Variants in ERC2 observed in about 807,000 individuals in gnomAD.
ERC2 encodes ELKS/RAB6-interacting/CAST family member 2.
Under a neutral mutation model 114.8 loss-of-function variants are expected in ERC2, and 42 were observed. The ratio of observed to expected loss-of-function variants is 0.37; its 90% CI spans 0.29 to 0.47. The LOEUF is 0.47. Among genes scored for constraint, ERC2 ranks in the 20% least tolerant of loss-of-function variants. The pLI, the probability that ERC2 is intolerant of heterozygous loss-of-function variation, is 0.99. For synonymous variants in ERC2, 454 were observed against 425.5 expected (o/e 1.07, Z -0.82); for missense variants, 939 against 1,150.7 (o/e 0.82, Z 2.66).
chr3:55,586,097 T>G (rs1438380345), intron 17 of ERC2, among the ~76,000 whole-genome samples: 1 of 151,980 alleles, frequency 6.6e-6, no homozygotes, highest in Non-Finnish European at 1.5e-5. Context: ...GAGGCCCCCA[T>G]AGGCCTGACT....
At chr3:56,357,800 A>T (rs1285415054) in intron 2 of ERC2, among the ~76,000 whole-genome samples, 1 of 148,654 alleles carries the variant, frequency 6.7e-6, no homozygotes, top group Non-Finnish European at 1.5e-5. Flanking sequence ...CATATCCCAT[A>T]ACATAATTTT....
chr3:56,141,905 T>C (rs966791899), intron 5 of ERC2, among the ~76,000 whole-genome samples: 13 of 152,218 alleles, frequency 8.5e-5, no homozygotes, highest in Non-Finnish European at 1.6e-4. Flanking sequence ...TTTCCTATCC[T>C]ATGCTGTCCT....
chr3:55,768,987 G>C (rs2068013475), intron 14 of ERC2, among the ~76,000 whole-genome samples: 2 of 152,174 alleles, frequency 1.3e-5, no homozygotes, highest in Admixed American at 6.5e-5. Flanking sequence ...GTCCTCATCT[G>C]TAAAATGAGA....
At chr3:55,834,081 C>G (rs1481902870) in intron 14 of ERC2, among the ~76,000 whole-genome samples, 1 of 151,706 alleles carries the variant, frequency 6.6e-6, no homozygotes, top group African/African-American at 2.4e-5. Context: ...ATATATGCAC[C>G]CAATACAGGA....
intron 14 of ERC2, among the ~76,000 whole-genome samples, chr3:55,757,476 C>T (rs748930289): frequency 2.6e-5 from 4 of 151,906 alleles, no homozygotes; most frequent in Non-Finnish European, 5.9e-5. Flanking sequence ...CTAGGTGGAC[C>T]CCTGTGAAAC....
At chr3:55,912,952 T>C (rs2064892953) in intron 13 of ERC2, among the ~76,000 whole-genome samples, 1 of 152,186 alleles carries the variant, frequency 6.6e-6, no homozygotes, top group African/African-American at 2.4e-5. Context: ...AAGTCAATCA[T>C]GCTACACATA....
intron 17 of ERC2, among the ~76,000 whole-genome samples, chr3:55,683,444 A>T (rs1378805901): frequency 6.6e-6 from 1 of 152,238 alleles, no homozygotes; most frequent in Admixed American, 6.5e-5. Context: ...GCTGAAAACC[A>T]CGACTGGAGA....
chr3:55,846,775 G>T (rs1222356058), intron 14 of ERC2, among the ~76,000 whole-genome samples: 1 of 151,030 alleles, frequency 6.6e-6, no homozygotes, highest in African/African-American at 2.4e-5. Flanking sequence ...CAGGAGAAGG[G>T]ATTTCAGAGA....
chr3:56,081,325 G>A (rs1252111677), intron 6 of ERC2, among the ~76,000 whole-genome samples: 1 of 152,166 alleles, frequency 6.6e-6, no homozygotes, highest in Non-Finnish European at 1.5e-5. Context: ...GTCTCTCTGA[G>A]AGTCCAGGGA....
intron 4 of ERC2, among the ~76,000 whole-genome samples, chr3:56,168,111 T>C (rs2082418480): frequency 6.6e-6 from 1 of 152,158 alleles, no homozygotes; most frequent in Non-Finnish European, 1.5e-5. Context: ...GAGGAGAAAC[T>C]TATGTTCAAA....
chr3:55,818,508 T>C (rs191030246), intron 14 of ERC2, among the ~76,000 whole-genome samples: 17 of 152,360 alleles, frequency 1.1e-4, no homozygotes, highest in African/African-American at 3.6e-4. Context: ...AGAATGTTTC[T>C]TCTTTCAAAA....
intron 2 of ERC2, among the ~76,000 whole-genome samples, chr3:56,352,960 C>T (rs908575266): frequency 3.3e-5 from 5 of 152,168 alleles, no homozygotes; most frequent in South Asian, 2.1e-4. Flanking sequence ...TACAATCTTA[C>T]GTAACATGAT....
intron 6 of ERC2, among the ~76,000 whole-genome samples, chr3:56,126,282 G>T (rs561924401): frequency 6.6e-6 from 1 of 152,250 alleles, no homozygotes; most frequent in East Asian, 1.9e-4. Context: ...TTCCCATGAT[G>T]GGGAGCTTGT....
intron 3 of ERC2, among the ~76,000 whole-genome samples, chr3:56,258,814 G>C (rs1229464306): frequency 6.6e-6 from 1 of 152,172 alleles, no homozygotes; most frequent in Non-Finnish European, 1.5e-5. Flanking sequence ...GTATCATAGA[G>C]AGTGCCCCAA....
chr3:55,914,264 C>T (rs972894644), intron 13 of ERC2, among the ~76,000 whole-genome samples: 9 of 152,208 alleles, frequency 5.9e-5, no homozygotes, highest in Admixed American at 6.5e-5. Flanking sequence ...CAGAGCCACG[C>T]GCTCCCAAAC....
intron 17 of ERC2, among the ~76,000 whole-genome samples, chr3:55,676,682 C>T (rs1261866328): frequency 6.6e-6 from 1 of 151,932 alleles, no homozygotes; most frequent in African/African-American, 2.4e-5. Context: ...TGTGACTTTC[C>T]TTCACATGCT....
intron 3 of ERC2, among the ~76,000 whole-genome samples, chr3:56,213,597 T>C (rs1194167050): frequency 2.0e-5 from 3 of 152,146 alleles, no homozygotes; most frequent in Non-Finnish European, 4.4e-5. Context: ...GGGCAGAGCA[T>C]AGCCAAACAA....
chr3:55,770,205 G>A (rs1371397274), intron 14 of ERC2, among the ~76,000 whole-genome samples: 1 of 152,148 alleles, frequency 6.6e-6, no homozygotes, highest in East Asian at 1.9e-4. Flanking sequence ...TAGAGCACAA[G>A]CACAGACCCC....
In ERC2 at chr3:55,906,336, G is replaced by A. The variant is rs529039425; in HGVS notation, c.2404-17787C>T. Among the ~76,000 whole-genome samples, 920 of 151,572 alleles carry A rather than the reference G, an allele frequency of 6.1e-3. 16 individuals carry two copies. The highest frequency in any genetic ancestry group is 0.021 in the African/African-American group (885 of 41,190). On this transcript the variant is annotated intron_variant, in intron 13 of 17. Coordinates refer to ENST00000288221, the MANE Select transcript of ERC2 (RefSeq NM_015576.3). Reference sequence around the variant, plus strand: ...AGTCCCAGCTACTCGGGCGGCTGAGGCAGGAGAATGGCGTGAACCCGGGAG... The same window carrying A: ...AGTCCCAGCTACTCGGGCGGCTGAGACAGGAGAATGGCGTGAACCCGGGAG...
Sources: allele counts gnomAD v4.1 joint callset (sites outside exome capture counted in the v4.1 genomes callset), GRCh38; gene constraint gnomAD v4.1.1; transcripts MANE v1.5; gene names NCBI Gene and HGNC (gene_info 2026-07-23, HGNC 2026-07-21).